Variants in C17orf67 observed in about 807,000 individuals in gnomAD.
C17orf67 encodes the protein chromosome 17 open reading frame 67, also known as uncharacterized protein C17orf67.
C17orf67 carries 12 observed loss-of-function variants against 11.2 expected under a neutral mutation model. The observed-to-expected ratio is 1.07, with a 90% CI of 0.68 to 1.73. The LOEUF (loss-of-function observed/expected upper bound fraction) is 1.73. Among genes scored for constraint, C17orf67 ranks in the 40% most tolerant of loss-of-function variants. The pLI is 0.00. For missense variants in C17orf67, 115 were observed against 113.5 expected, an observed-to-expected ratio of 1.01 and a Z score of -0.06; for synonymous variants, 59 against 46.9, an observed-to-expected ratio of 1.26 and a Z score of -1.05.
chr17:56,816,764 T>A (rs1905771233), intron 4 of C17orf67, among the ~76,000 whole-genome samples: 1 of 152,214 alleles, frequency 6.6e-6, no homozygotes, highest in Non-Finnish European at 1.5e-5. Flanking sequence ...CAACAAAAGT[T>A]TAAGAAGCTG....
Position 56,815,836 on chromosome 17 carries a change from C to T in C17orf67, c.-26G>A. On this transcript the variant is annotated 5_prime_UTR_variant, in exon 5 of 8. Coordinates refer to ENST00000397861, the MANE Select transcript of C17orf67 (RefSeq NM_001085430.4). ...CCTGCCTTGGTTCCTCTGCCTCTTGCTGAGTGAATCCTCCCAGACTGAGTC... is the reference window on the plus strand; with the variant it reads ...CCTGCCTTGGTTCCTCTGCCTCTTGTTGAGTGAATCCTCCCAGACTGAGTC... 4 of 1,613,598 alleles carry T rather than the reference C, an allele frequency of 2.5e-6. No homozygotes were observed. The highest frequency in any genetic ancestry group is 1.7e-4 in the Middle Eastern group (1 of 6,060).
chr17:56,812,911 C>A (rs1202411124), intron 6 of C17orf67, among the ~76,000 whole-genome samples: 1 of 152,186 alleles, frequency 6.6e-6, no homozygotes, highest in East Asian at 1.9e-4. Context: ...ACAGTTGCAA[C>A]AACGGGCTGC....
At chr17:56,822,755 G>A (rs1034153062) in intron 4 of C17orf67, among the ~76,000 whole-genome samples, 2 of 152,190 alleles carry the variant, frequency 1.3e-5, no homozygotes, top group East Asian at 1.9e-4. Flanking sequence ...CATTTCTAAT[G>A]TGAGTTGACT....
intron 4 of C17orf67, among the ~76,000 whole-genome samples, chr17:56,817,305 T>G (rs2144138008): frequency 6.6e-6 from 1 of 152,278 alleles, no homozygotes; most frequent in South Asian, 2.1e-4. Context: ...TTCTCCAAAT[T>G]TATGCTAATG....
At chr17:56,796,587 AC>A (rs56823246) in intron 6 of C17orf67, among the ~76,000 whole-genome samples, 24,979 of 151,704 alleles carry the variant, frequency 0.16, 2,319 homozygotes, top group Middle Eastern at 0.23. Flanking sequence ...ATCTCCATCT[AC>A]TCAGGAACCC....
chr17:56,794,506 G>A (rs1263031309), intron 7 of C17orf67, among the ~76,000 whole-genome samples: 2 of 152,102 alleles, frequency 1.3e-5, no homozygotes, highest in African/African-American at 4.8e-5. Context: ...GGGGAAAGCT[G>A]GGCAGTACCC....
intron 2 of C17orf67, among the ~76,000 whole-genome samples, chr17:56,828,582 T>C (rs1000257081): frequency 1.3e-5 from 2 of 152,224 alleles, no homozygotes; most frequent in Non-Finnish European, 1.5e-5. Context: ...ATAAACCATA[T>C]ATACATAGTT....
rs1158553336 is a variant in C17orf67 at position 56,792,095 on chromosome 17, G to A, written c.*278C>T. On this transcript the variant is annotated 3_prime_UTR_variant, in exon 8 of 8. Coordinates refer to ENST00000397861, the MANE Select transcript of C17orf67 (RefSeq NM_001085430.4). ...TTCCAGCTCCATCAACCCCAGGTAA[G>A]ATTCTGGTTGTTCCCACTCTTGCAA... 3 of 152,206 alleles carry A rather than the reference G, an allele frequency of 2.0e-5. No homozygotes were observed. The highest frequency in any genetic ancestry group is 6.5e-5 in the Admixed American group (1 of 15,274). 9.4% of individuals were successfully genotyped at this position (152,206 alleles called of 1,614,324 possible). A position where few individuals can be genotyped will look rare whatever the true frequency, so the allele number is the denominator to read the frequency against.
chr17:56,831,142 G>T (rs1339156067), intron 2 of C17orf67, among the ~76,000 whole-genome samples: 1 of 128,246 alleles, frequency 7.8e-6, no homozygotes, highest in Admixed American at 8.5e-5. Context: ...AGGAAGACCA[G>T]GTGGGAGGCT....
At chr17:56,819,579 G>A (rs78639958) in intron 4 of C17orf67, among the ~76,000 whole-genome samples, 9,724 of 152,262 alleles carry the variant, frequency 0.064, 375 homozygotes, top group Admixed American at 0.12. Context: ...GCTGCTGCAA[G>A]TCTCGGGTGG....
At chr17:56,799,742 T>C (rs1905276175) in intron 6 of C17orf67, among the ~76,000 whole-genome samples, 1 of 152,232 alleles carries the variant, frequency 6.6e-6, no homozygotes, top group Non-Finnish European at 1.5e-5. Context: ...CATTTGGTGT[T>C]GTCCATGTTC....
At position 56,815,818 on chromosome 17, in the gene C17orf67, T is replaced by C. The variant is rs1905747843; in HGVS notation, c.-8A>G. On this transcript the variant is annotated 5_prime_UTR_variant, in exon 5 of 8. Coordinates refer to ENST00000397861, the MANE Select transcript of C17orf67 (RefSeq NM_001085430.4). ...CACAGGCAATGTCTTCATCCTGCCT[T>C]GGTTCCTCTGCCTCTTGCTGAGTGA... The C allele has an allele frequency of 6.2e-7, 1 of 1,613,794 alleles. No individual in the cohort carries two copies. Among genetic ancestry groups the C allele is most frequent in the Admixed American group, 1.7e-5 (1 of 59,986 alleles).
intron 4 of C17orf67, among the ~76,000 whole-genome samples, chr17:56,824,218 C>T (rs1003033027): frequency 1.2e-4 from 18 of 152,092 alleles, no homozygotes; most frequent in Non-Finnish European, 2.1e-4. Flanking sequence ...CTCCTGAAAG[C>T]GGGTTGTTAT....
At chr17:56,809,688 C>A (rs1327110566) in intron 6 of C17orf67, among the ~76,000 whole-genome samples, 1 of 145,880 alleles carries the variant, frequency 6.9e-6, no homozygotes, top group African/African-American at 2.5e-5. Context: ...CTCACACACA[C>A]CTATTACACA....
At chr17:56,820,476 C>T (rs1179691480) in intron 4 of C17orf67, among the ~76,000 whole-genome samples, 1 of 152,138 alleles carries the variant, frequency 6.6e-6, no homozygotes, top group African/African-American at 2.4e-5. Context: ...AATTCAGACA[C>T]ACCAATGAAC....
At chr17:56,827,928 C>T (rs150404410) in intron 2 of C17orf67, among the ~76,000 whole-genome samples, 5 of 152,250 alleles carry the variant, frequency 3.3e-5, no homozygotes, top group Admixed American at 6.5e-5. Flanking sequence ...GATGCTGGGC[C>T]GGTCGCAGTG....
At chr17:56,798,289 GT>G (rs5821150) in intron 6 of C17orf67, among the ~76,000 whole-genome samples, 18,066 of 151,722 alleles carry the variant, frequency 0.12, 1,164 homozygotes, top group South Asian at 0.16. Flanking sequence ...TTCTTGTGGG[GT>G]TTTTTTTATT....
Position 56,833,658 on chromosome 17 carries a change from C to T in C17orf67, c.-1042G>A, listed in dbSNP as rs1469833354. 1 of 151,822 alleles carries T rather than the reference C, an allele frequency of 6.6e-6. No homozygotes were observed. Among genetic ancestry groups the T allele is most frequent in the East Asian group, 1.9e-4 (1 of 5,130 alleles). The allele number at this position is 151,822 out of a possible 1,614,324, so 9.4% of individuals were successfully genotyped here. ...CCAGGTCGGGCGGTGCCGCGCAGGC[C>T]GCCTCCCCCCCTCGCTTCCCAGTCG... On this transcript the variant is annotated 5_prime_UTR_variant, in exon 1 of 8. Transcript: ENST00000397861.
At chr17:56,813,272 A>G (rs1002412008) in intron 6 of C17orf67, among the ~76,000 whole-genome samples, 1 of 148,060 alleles carries the variant, frequency 6.8e-6, no homozygotes, top group Non-Finnish European at 1.5e-5. Flanking sequence ...TCCCCATCAC[A>G]GTTGTGCACA....
Sources: allele counts gnomAD v4.1 joint callset (sites outside exome capture counted in the v4.1 genomes callset), GRCh38; gene constraint gnomAD v4.1.1; transcripts MANE v1.5; gene names NCBI Gene and HGNC (gene_info 2026-07-23, HGNC 2026-07-21).